The following SEPHS1 variants were observed in gnomAD, a reference collection of about 807,000 sequenced individuals.
The protein encoded by SEPHS1 is selenophosphate synthetase 1.
In SEPHS1, 7 loss-of-function variants were observed where a neutral mutation model predicts 39.2. The ratio of observed to expected loss-of-function variants is 0.18; its 90% CI spans 0.10 to 0.34. The LOEUF is 0.34. SEPHS1 is among the 10% of genes least tolerant of loss of function. The pLI is 1.00. For synonymous variants in SEPHS1, 190 were observed against 195.5 expected (o/e 0.97, Z 0.23); for missense variants, 253 against 514.5 (o/e 0.49, Z 4.92).
rs1588529029 is a variant in SEPHS1 at position 13,318,822 on chromosome 10, C to G, written c.*320G>C. 2 of 308,314 alleles carry G rather than the reference C, an allele frequency of 6.5e-6. No individual in the cohort carries two copies. Among genetic ancestry groups the G allele is most frequent in the Middle Eastern group, 1.0e-3 (1 of 1,002 alleles). 19.1% of individuals were successfully genotyped at this position (308,314 alleles called of 1,614,324 possible). On this transcript the variant is annotated 3_prime_UTR_variant, in exon 9 of 9. Transcript: ENST00000327347. ...TATTTGACACGACTACGGGTAATGC[C>G]TGTGCTATGTGAAAGCACCTTTAAA... is the stretch of plus-strand genomic sequence containing the variant.
intron 7 of SEPHS1, among the ~76,000 whole-genome samples, chr10:13,325,758 G>A (rs1335377017): frequency 1.3e-5 from 2 of 151,742 alleles, no homozygotes; most frequent in Non-Finnish European, 2.9e-5. Flanking sequence ...TTAGTGGGGT[G>A]TGGTGGCGTG....
chr10:13,341,252 G>A (rs189587242), intron 2 of SEPHS1, among the ~76,000 whole-genome samples: 54 of 152,198 alleles, frequency 3.5e-4, no homozygotes, highest in African/African-American at 1.3e-3. Context: ...AAAGACAGAG[G>A]GACGGTCCAG....
rs78465889 is a variant in SEPHS1 at position 13,326,550 on chromosome 10, C to CT, written c.751+1800dup. ...TCTATTCTGTTCCTCTGATCTATAA[C>CT]TTTTTTTTTTTTTTTGAGACATGAT... On this transcript the variant is annotated intron_variant, in intron 7 of 8. Transcript: ENST00000327347. 1.4e-3 allele frequency among the ~76,000 whole-genome samples: 206 copies of CT among 142,232 alleles called. 1 individual carries two copies. The highest frequency in any genetic ancestry group is 3.6e-3 in the Middle Eastern group (1 of 280). 93.3% of individuals were successfully genotyped at this position (142,232 alleles called of 152,430 possible).
chr10:13,329,823 T>C (rs772376975), intron 5 of SEPHS1, 35 bp from the exon 6 acceptor site: 2 of 1,511,264 alleles, frequency 1.3e-6, no homozygotes, highest in Non-Finnish European at 1.8e-6. Flanking sequence ...CTAGTCAAAC[T>C]AACCAAGGAG....
intron 5 of SEPHS1, among the ~76,000 whole-genome samples, chr10:13,333,111 C>T (rs1380323593): frequency 6.6e-6 from 1 of 151,176 alleles, no homozygotes; most frequent in Non-Finnish European, 1.5e-5. Flanking sequence ...TGGTATAGTA[C>T]GCAAATTATA....
intron 4 of SEPHS1, among the ~76,000 whole-genome samples, chr10:13,334,470 G>A (rs1353929738): frequency 6.6e-6 from 1 of 152,192 alleles, no homozygotes; most frequent in Non-Finnish European, 1.5e-5. Flanking sequence ...GAACCTGGGA[G>A]GCAGAGGTTG....
At chr10:13,334,120 A>C in intron 4 of SEPHS1, 149 bp from the exon 5 acceptor site, 1 of 699,324 alleles carries the variant, frequency 1.4e-6, no homozygotes, top group South Asian at 2.0e-5. Context: ...GTTAGGGGCC[A>C]GGCATAATCG....
In SEPHS1 at chr10:13,318,782, G is replaced by A. The variant is rs530942468; in HGVS notation, c.*360C>T. 94 of 208,686 alleles carry A rather than the reference G, an allele frequency of 4.5e-4. No homozygotes were observed. Among genetic ancestry groups the A allele is most frequent in the African/African-American group, 2.1e-3 (89 of 42,238 alleles). 12.9% of individuals were successfully genotyped at this position (208,686 alleles called of 1,614,324 possible). On this transcript the variant is annotated 3_prime_UTR_variant, in exon 9 of 9. Coordinates refer to ENST00000327347, the MANE Select transcript of SEPHS1 (RefSeq NM_012247.5). ...CTTATATGATAAATATACATAAAAT[G>A]AAGACACCAACTGCTATTTGACACG...
intron 8 of SEPHS1, among the ~76,000 whole-genome samples, chr10:13,322,492 GA>G (rs1312053505): frequency 6.6e-6 from 1 of 151,898 alleles, no homozygotes; most frequent in Non-Finnish European, 1.5e-5. Flanking sequence ...AATTTTCAAG[GA>G]AAAAAATATC....
chr10:13,333,323 G>C (rs1043792824), intron 5 of SEPHS1, among the ~76,000 whole-genome samples: 12 of 151,714 alleles, frequency 7.9e-5, no homozygotes, highest in African/African-American at 2.7e-4. Context: ...AGTAGAGATG[G>C]GGTTTCTCCA....
At chr10:13,333,543 C>T (rs1258432792) in intron 5 of SEPHS1, among the ~76,000 whole-genome samples, 6 of 150,386 alleles carry the variant, frequency 4.0e-5, no homozygotes, top group South Asian at 4.3e-4. Context: ...GGGGTTCAAG[C>T]GATTCTCCTG....
chr10:13,319,387 T>G (rs749152273), intron 8 of SEPHS1, 31 bp from the exon 9 acceptor site: 1 of 1,607,666 alleles, frequency 6.2e-7, no homozygotes, highest in South Asian at 1.1e-5. Flanking sequence ...TGACTGTTAG[T>G]GTTGACATGA....
chr10:13,327,116 C>G (rs1005746165), intron 7 of SEPHS1, among the ~76,000 whole-genome samples: 4 of 151,816 alleles, frequency 2.6e-5, no homozygotes, highest in African/African-American at 9.7e-5. Flanking sequence ...TGATGCGTGC[C>G]TGTAGTCCCA....
At chr10:13,328,290 A>C in intron 7 of SEPHS1, 61 bp downstream of exon 7, 2 of 1,164,670 alleles carry the variant, frequency 1.7e-6, no homozygotes, top group Non-Finnish European at 2.5e-6. Context: ...TGGCCAGAAA[A>C]GCCTAAGACA....
chr10:13,337,144 G>A (rs993898307), intron 3 of SEPHS1, among the ~76,000 whole-genome samples: 1 of 151,552 alleles, frequency 6.6e-6, no homozygotes, highest in African/African-American at 2.4e-5. Context: ...GAGCAAGACT[G>A]TCAATAAACA....
chr10:13,320,881 T>C (rs1191126080), intron 8 of SEPHS1, among the ~76,000 whole-genome samples: 1 of 152,180 alleles, frequency 6.6e-6, no homozygotes, highest in Admixed American at 6.5e-5. Flanking sequence ...AAATGGCTGG[T>C]AACATTCGTC....
At chr10:13,333,717 T>A in intron 5 of SEPHS1, 100 bp downstream of exon 5, 1 of 1,226,054 alleles carries the variant, frequency 8.2e-7, no homozygotes, top group Non-Finnish European at 1.2e-6. Flanking sequence ...TGGGATCATA[T>A]GTGTGAGCCA....
Position 13,318,923 on chromosome 10 carries a change from A to G in SEPHS1, c.*219T>C, listed in dbSNP as rs2131678627. ...GTATTGGATAACAATATAATTCTCA[A>G]CTCAGAAGCTGCCTCAAGATTAGGT... On this transcript the variant is annotated 3_prime_UTR_variant, in exon 9 of 9. Transcript: ENST00000327347. 1.8e-6 allele frequency: 1 copy of G among 548,626 alleles called. No homozygotes were observed. Among genetic ancestry groups the G allele is most frequent in the African/African-American group, 1.9e-5 (1 of 52,078 alleles). 34.0% of individuals were successfully genotyped at this position (548,626 alleles called of 1,614,324 possible). A position where few individuals can be genotyped will look rare whatever the true frequency, so the allele number is the denominator to read the frequency against.
chr10:13,338,693 G>A lies in SEPHS1; in HGVS notation c.297+12C>T. The A allele has an allele frequency of 6.2e-7, 1 of 1,602,070 alleles. No individual in the cohort carries two copies. Among genetic ancestry groups the A allele is most frequent in the Admixed American group, 1.7e-5 (1 of 59,980 alleles). ...CCCTTCCAGTCACAAAAACACATCG[G>A]CTCACGCTTACCATCATGTAAGGGT... On this transcript the variant is annotated intron_variant, in intron 3 of 8. Coordinates refer to ENST00000327347, the MANE Select transcript of SEPHS1 (RefSeq NM_012247.5).
Sources: allele counts gnomAD v4.1 joint callset (sites outside exome capture counted in the v4.1 genomes callset), GRCh38; gene constraint gnomAD v4.1.1; transcripts MANE v1.5; gene names NCBI Gene and HGNC (gene_info 2026-07-23, HGNC 2026-07-21).